TLL2: variants seen among roughly 807,000 people sequenced by gnomAD.
The protein encoded by TLL2 is tolloid like 2.
A neutral mutation model predicts 123.0 loss-of-function variants in TLL2; 106 were observed. That is an observed-to-expected ratio of 0.86 (90% CI 0.74 to 1.01). TLL2 has a LOEUF of 1.01. Among genes scored for constraint, TLL2 ranks in the 50% least tolerant of loss-of-function variants. The pLI is 0.00. For synonymous variants in TLL2, 494 were observed against 516.8 expected (o/e 0.96, Z 0.60); for missense variants, 1,332 against 1,336.7 (o/e 1.00, Z 0.06).
At chr10:96,390,149 A>G (rs1846272976) in intron 13 of TLL2, among the ~76,000 whole-genome samples, 1 of 152,278 alleles carries the variant, frequency 6.6e-6, no homozygotes. Context: ...CTCATGGTCC[A>G]GGTGGAATTA....
At chr10:96,421,602 T>C (rs1397820531) in intron 6 of TLL2, among the ~76,000 whole-genome samples, 2 of 151,420 alleles carry the variant, frequency 1.3e-5, no homozygotes, top group Non-Finnish European at 2.9e-5. Context: ...AGACGGAGCT[T>C]GCAGTGAGCC....
At chr10:96,465,672 G>T (rs1357453289) in intron 2 of TLL2, among the ~76,000 whole-genome samples, 1 of 152,220 alleles carries the variant, frequency 6.6e-6, no homozygotes, top group Non-Finnish European at 1.5e-5. Flanking sequence ...AGGACCCAAG[G>T]TGGTGCCTCT....
chr10:96,404,072 A>G (rs928338421), intron 10 of TLL2, among the ~76,000 whole-genome samples: 16 of 152,028 alleles, frequency 1.1e-4, no homozygotes, highest in Admixed American at 2.6e-4. Context: ...TGCTGAAATA[A>G]TGAAAATAAT....
Position 96,397,285 on chromosome 10 carries a change from T to C in TLL2, c.1285A>G (p.Lys429Glu). 6.2e-7 allele frequency: 1 copy of C among 1,613,200 alleles called. No homozygotes were observed. The highest frequency in any genetic ancestry group is 8.5e-7 in the Non-Finnish European group (1 of 1,179,486). Residue 429 changes from lysine (K) to glutamate (E), a missense_variant, in exon 11 of 21, where the codon AAG becomes GAG. Physicochemically the swap from Lys to Glu is moderately conservative, Grantham distance 56. Coordinates refer to ENST00000357947, the MANE Select transcript of TLL2 (RefSeq NM_012465.4). ...APLLGRFCGD[K>E]IPEPLVSTDS... Reference sequence around the variant, plus strand: ...GTGGAGACGAGGGGCTCCGGGATCTTATCGCCACAAAACCTGCCTGGAAAG... The same window carrying C: ...GTGGAGACGAGGGGCTCCGGGATCTCATCGCCACAAAACCTGCCTGGAAAG...
Position 96,435,124 on chromosome 10 carries a change from C to T in TLL2, c.365-2162G>A, listed in dbSNP as rs576915713. Among the ~76,000 whole-genome samples, 25 of 151,348 alleles carry T rather than the reference C, an allele frequency of 1.7e-4. No homozygotes were observed. The East Asian group carries it at 1.9e-3, about 12-fold the overall frequency. On this transcript the variant is annotated intron_variant, in intron 3 of 20. Coordinates refer to ENST00000357947, the MANE Select transcript of TLL2 (RefSeq NM_012465.4). Reference sequence around the variant, plus strand: ...TCGGCTCACTGCAACCTCTGCCTCCCGGGTTCATGCCATTCTCCTGCCTCA... The same window carrying T: ...TCGGCTCACTGCAACCTCTGCCTCCTGGGTTCATGCCATTCTCCTGCCTCA...
At chr10:96,457,030 CT>C (rs1847023667) in intron 2 of TLL2, among the ~76,000 whole-genome samples, 1 of 152,200 alleles carries the variant, frequency 6.6e-6, no homozygotes, top group Admixed American at 6.5e-5. Flanking sequence ...GGAAAGATAC[CT>C]AATTTCTCTG....
At chr10:96,384,818 G>T in intron 15 of TLL2, 51 bp from the exon 16 acceptor site, 1 of 1,516,696 alleles carries the variant, frequency 6.6e-7, no homozygotes, top group Non-Finnish European at 8.9e-7. Context: ...CCCCACCCCA[G>T]ACCCCCAGCA....
At chr10:96,400,345 C>T (rs987954960) in intron 10 of TLL2, among the ~76,000 whole-genome samples, 1 of 131,560 alleles carries the variant, frequency 7.6e-6, no homozygotes, top group Non-Finnish European at 1.6e-5. Flanking sequence ...TCATCATCAC[C>T]ACTACTACCA....
chr10:96,462,590 T>C (rs572894055), intron 2 of TLL2, among the ~76,000 whole-genome samples: 1 of 152,378 alleles, frequency 6.6e-6, no homozygotes, highest in South Asian at 2.1e-4. Flanking sequence ...TGTAGTGCTC[T>C]ATACTATACT....
chr10:96,372,840 C>T (rs1846096883), intron 19 of TLL2, among the ~76,000 whole-genome samples: 1 of 151,970 alleles, frequency 6.6e-6, no homozygotes, highest in Admixed American at 6.6e-5. Flanking sequence ...CACCACGCCT[C>T]GCTATGTTTT....
intron 1 of TLL2, among the ~76,000 whole-genome samples, chr10:96,503,463 A>C (rs1259290871): frequency 6.6e-6 from 1 of 152,206 alleles, no homozygotes; most frequent in African/African-American, 2.4e-5. Context: ...CTACACAGGA[A>C]ATAAGGGGGG....
rs554489418 is a variant in TLL2, at chr10:96,509,969, A to G, written c.175+3542T>C. On this transcript the variant is annotated intron_variant, in intron 1 of 20. Coordinates refer to ENST00000357947, the MANE Select transcript of TLL2 (RefSeq NM_012465.4). ...CTCAAAAAAGTAAATAAATAAATAA[A>G]TAAATAAGTAAATAAAACTGGCCTT... Among the ~76,000 whole-genome samples, 327 of 152,270 alleles carry G rather than the reference A, an allele frequency of 2.1e-3. 2 individuals are homozygous for G. The highest frequency in any genetic ancestry group is 4.0e-3 in the Non-Finnish European group (272 of 68,032).
At chr10:96,416,307 C>G (rs74151308) in intron 7 of TLL2, among the ~76,000 whole-genome samples, 1 of 152,182 alleles carries the variant, frequency 6.6e-6, no homozygotes, top group Non-Finnish European at 1.5e-5. Flanking sequence ...ACTTTGCCAG[C>G]GGGCCTGGGG....
At chr10:96,387,595 G>T (rs1846248590) in intron 13 of TLL2, among the ~76,000 whole-genome samples, 1 of 152,150 alleles carries the variant, frequency 6.6e-6, no homozygotes, top group South Asian at 2.1e-4. Flanking sequence ...CTTAAGAGAG[G>T]TATGCACAGG....
intron 5 of TLL2, among the ~76,000 whole-genome samples, chr10:96,425,537 A>G (rs1589419574): frequency 2.6e-5 from 4 of 151,392 alleles, no homozygotes; most frequent in South Asian, 4.2e-4. Context: ...TTGGAGTTTT[A>G]GCATTTTCTT....
chr10:96,393,265 G>A (rs993937178), intron 13 of TLL2, among the ~76,000 whole-genome samples: 2 of 152,202 alleles, frequency 1.3e-5, no homozygotes, highest in Non-Finnish European at 2.9e-5. Flanking sequence ...TGCTACAGCA[G>A]GAATAGGAAA....
At position 96,432,820 on chromosome 10, in the gene TLL2, T is replaced by A. The variant is rs1209418922; in HGVS notation, c.507A>T (p.Gly169=). 1 of 1,613,944 alleles carries A rather than the reference T, an allele frequency of 6.2e-7. No homozygotes were observed. The highest frequency in any genetic ancestry group is 2.2e-5 in the East Asian group (1 of 44,850). The change falls in exon 4 of 21, where the codon GGA becomes GGT. Residue 169 remains glycine (G), a synonymous_variant. Coordinates refer to ENST00000357947, the MANE Select transcript of TLL2 (RefSeq NM_012465.4). ...WPGGVIPYVI[G]GNFTGSQRAI... is the part of the protein sequence containing the mutation. ...GTGGCTACTGACCAGTGAAGTTCCC[T>A]CCAATGACGTAGGGGATGACTCCTC... is the stretch of plus-strand genomic sequence containing the variant.
chr10:96,492,972 C>T (rs1241512429), intron 1 of TLL2, among the ~76,000 whole-genome samples: 3 of 152,192 alleles, frequency 2.0e-5, no homozygotes, highest in Non-Finnish European at 4.4e-5. Flanking sequence ...GAGCTCACGC[C>T]CTTCCATCAC....
intron 17 of TLL2, among the ~76,000 whole-genome samples, chr10:96,377,805 G>A (rs1188149834): frequency 1.3e-5 from 2 of 152,372 alleles, no homozygotes; most frequent in South Asian, 4.1e-4. Context: ...GAGAACAGGT[G>A]CTCAAAGGGG....
Sources: gnomAD v4.1 joint callset for allele counts (sites outside exome capture counted in the v4.1 genomes callset) on GRCh38, gnomAD v4.1.1 for gene constraint, MANE v1.5 for transcripts, NCBI Gene and HGNC (gene_info 2026-07-23, HGNC 2026-07-21) for gene names.